PPP6R3: variants seen among roughly 807,000 people sequenced by gnomAD.
PPP6R3 encodes the protein serine/threonine-protein phosphatase 6 regulatory subunit 3.
In PPP6R3, 38 loss-of-function variants were observed where a neutral mutation model predicts 110.7. The observed-to-expected ratio is 0.34, with a 90% CI of 0.26 to 0.45. The LOEUF (loss-of-function observed/expected upper bound fraction) is 0.45. Among genes scored for constraint, PPP6R3 ranks in the 20% least tolerant of loss-of-function variants. The pLI, the probability that PPP6R3 is intolerant of heterozygous loss-of-function variation, is 1.00. For synonymous variants in PPP6R3, 369 were observed against 373.5 expected, an observed-to-expected ratio of 0.99 and a Z score of 0.14; for missense variants, 870 against 1,062.4, an observed-to-expected ratio of 0.82 and a Z score of 2.52.
chr11:68,560,220 C>A (rs1565847429), intron 8 of PPP6R3, among the ~76,000 whole-genome samples: 1 of 152,138 alleles, frequency 6.6e-6, no homozygotes, highest in South Asian at 2.1e-4. Flanking sequence ...GAGCAGAAGT[C>A]AGTGGACTTG....
chr11:68,571,650 G>A (rs2099507906), intron 12 of PPP6R3, among the ~76,000 whole-genome samples: 1 of 152,172 alleles, frequency 6.6e-6, no homozygotes, highest in South Asian at 2.1e-4. Flanking sequence ...TACAGGTGTT[G>A]TCTGTAACAG....
chr11:68,507,517 T>G (rs2153514901), intron 1 of PPP6R3, among the ~76,000 whole-genome samples: 1 of 152,332 alleles, frequency 6.6e-6, no homozygotes, highest in East Asian at 1.9e-4. Flanking sequence ...GGATGATTTT[T>G]AAATTTACGG....
intron 18 of PPP6R3, among the ~76,000 whole-genome samples, chr11:68,594,863 A>AGGT (rs1376010350): frequency 1.3e-5 from 2 of 152,238 alleles, no homozygotes; most frequent in Non-Finnish European, 2.9e-5. Context: ...ATGGGCAAGA[A>AGGT]GGTAGGGCAT....
At chr11:68,479,878 AC>A (rs1565303355) in intron 1 of PPP6R3, among the ~76,000 whole-genome samples, 1 of 151,948 alleles carries the variant, frequency 6.6e-6, no homozygotes, top group Non-Finnish European at 1.5e-5. Context: ...AGCTGGAACT[AC>A]AGGTGCAAGC....
chr11:68,555,986 C>T (rs994784154), intron 7 of PPP6R3, among the ~76,000 whole-genome samples: 1 of 152,150 alleles, frequency 6.6e-6, no homozygotes, highest in Non-Finnish European at 1.5e-5. Flanking sequence ...AAAAGACTTC[C>T]ATTTTAGTAA....
intron 22 of PPP6R3, chr11:68,609,441 T>C: frequency 1.2e-6 from 1 of 802,648 alleles, no homozygotes; most frequent in Non-Finnish European, 2.1e-6. Flanking sequence ...AAAAGCAAAG[T>C]GCTTTAACTA....
chr11:68,609,481 ACACCTT>A (rs1463006003), intron 22 of PPP6R3: 1 of 1,045,620 alleles, frequency 9.6e-7, no homozygotes, highest in East Asian at 2.6e-5. Flanking sequence ...AGGTTCTTTG[ACACCTT>A]CACCGAGTCT....
At chr11:68,590,237 A>G (rs924193475) in intron 16 of PPP6R3, among the ~76,000 whole-genome samples, 14 of 152,152 alleles carry the variant, frequency 9.2e-5, no homozygotes, top group African/African-American at 1.7e-4. Flanking sequence ...ATGGGTGTCT[A>G]TGTATTTTGT....
At chr11:68,549,169 G>A (rs1157101132) in intron 5 of PPP6R3, among the ~76,000 whole-genome samples, 3 of 152,198 alleles carry the variant, frequency 2.0e-5, no homozygotes, top group Non-Finnish European at 4.4e-5. Context: ...GGGATTACAG[G>A]CGTGAGCCAC....
chr11:68,606,605 C>T (rs1403298104), intron 22 of PPP6R3, among the ~76,000 whole-genome samples: 2 of 151,952 alleles, frequency 1.3e-5, no homozygotes, highest in African/African-American at 4.8e-5. Flanking sequence ...TGTGAGCCAC[C>T]GCGCCTGGCA....
Position 68,564,315 on chromosome 11 carries a change from T to C in PPP6R3, c.858T>C (p.His286=). 1 of 1,611,146 alleles carries C rather than the reference T, an allele frequency of 6.2e-7. No individual in the cohort carries two copies. The highest frequency in any genetic ancestry group is 1.3e-5 in the African/African-American group (1 of 74,998). The change falls in exon 9 of 24, where the codon CAT becomes CAC. Residue 286 remains histidine (H), a synonymous_variant. Coordinates refer to ENST00000393800, the MANE Select transcript of PPP6R3 (RefSeq NM_001164161.2). ...LETRRPTFEG[H]IEICPPGMSH... is the part of the protein sequence containing the mutation. ...GCTTTGTTTCAAGATTTGAAGGCCA[T>C]ATAGAGATCTGCCCACCAGGCATGA...
intron 13 of PPP6R3, among the ~76,000 whole-genome samples, chr11:68,574,446 C>G (rs1266184370): frequency 2.6e-5 from 4 of 152,166 alleles, no homozygotes; most frequent in African/African-American, 9.7e-5. Flanking sequence ...TAAGCATTGG[C>G]AGGCTTGGCT....
intron 1 of PPP6R3, among the ~76,000 whole-genome samples, chr11:68,476,343 A>G (rs1042784833): frequency 4.6e-5 from 7 of 152,152 alleles, no homozygotes; most frequent in African/African-American, 9.6e-5. Flanking sequence ...CACGCCTGCA[A>G]TCGCAGGCAC....
At position 68,569,897 on chromosome 11, in the gene PPP6R3, T is replaced by C. The variant is rs944021703; in HGVS notation, c.1278T>C (p.His426=). Residue 426 remains histidine (H), a splice_region_variant and synonymous_variant, in exon 11 of 24, where the codon CAT becomes CAC. Transcript: ENST00000393800. ...CTGGTGATAATTTGTTATTAAAACA[T>C]GTAAGCTTATTTGGTCTCGTTTTTC... ...DSTGDNLLLK[H]LFQKCQLIER... is the part of the protein sequence containing the mutation. 1 of 1,605,706 alleles carries C rather than the reference T, an allele frequency of 6.2e-7. No homozygotes were observed. The highest frequency in any genetic ancestry group is 1.1e-5 in the South Asian group (1 of 89,864).
chr11:68,546,689 G>A (rs1028261732), intron 4 of PPP6R3, among the ~76,000 whole-genome samples: 1 of 152,188 alleles, frequency 6.6e-6, no homozygotes, highest in African/African-American at 2.4e-5. Context: ...ACCAATAAAG[G>A]CATTTGTTAG....
Position 68,542,389 on chromosome 11 carries a change from GTTTTTTTT to G in PPP6R3, c.228-2434_228-2427del, listed in dbSNP as rs34666175. On this transcript the variant is annotated intron_variant, in intron 3 of 23. Coordinates refer to ENST00000393800, the MANE Select transcript of PPP6R3 (RefSeq NM_001164161.2). ...ATCTTTGGGTGCTTGAGAAGCTGCT[GTTTTTTTT>G]TTTTTTTTTTTTTTAAGACAGAGTC... Among the ~76,000 whole-genome samples the G allele has an allele frequency of 2.2e-4, 9 of 40,206 alleles. 2 individuals carry two copies. In the Admixed American group the frequency reaches 3.0e-3, roughly 13 times the overall value. 26.4% of individuals were successfully genotyped at this position (40,206 alleles called of 152,430 possible).
intron 10 of PPP6R3, among the ~76,000 whole-genome samples, chr11:68,569,345 C>G (rs981562177): frequency 3.9e-5 from 6 of 152,128 alleles, no homozygotes; most frequent in African/African-American, 1.4e-4. Context: ...CCACAGCTAT[C>G]GAACCCTATA....
chr11:68,511,874 C>A (rs1282307191), intron 1 of PPP6R3, among the ~76,000 whole-genome samples: 2 of 152,110 alleles, frequency 1.3e-5, no homozygotes, highest in African/African-American at 4.8e-5. Context: ...GATCTTCCCT[C>A]ATCTTTATCC....
At chr11:68,583,918 G>A (rs1239055723) in intron 15 of PPP6R3, among the ~76,000 whole-genome samples, 1 of 152,112 alleles carries the variant, frequency 6.6e-6, no homozygotes, top group Non-Finnish European at 1.5e-5. Flanking sequence ...TTGTTGCTTG[G>A]CTTCTTTTTT....
Sources: gnomAD v4.1 joint callset for allele counts (sites outside exome capture counted in the v4.1 genomes callset) on GRCh38, gnomAD v4.1.1 for gene constraint, MANE v1.5 for transcripts, NCBI Gene and HGNC (gene_info 2026-07-23, HGNC 2026-07-21) for gene names.